Variants in RPA2 observed in about 807,000 individuals in gnomAD.
RPA2 encodes replication protein A2, also known as replication protein A 32 kDa subunit.
In RPA2, 22 loss-of-function variants were observed where a neutral mutation model predicts 33.4. The observed-to-expected ratio is 0.66, with a 90% CI of 0.47 to 0.94. The LOEUF (loss-of-function observed/expected upper bound fraction) is 0.94. RPA2 is among the 40% of genes least tolerant of loss of function. The pLI is 0.00. For synonymous variants in RPA2, 109 were observed against 114.9 expected, an observed-to-expected ratio of 0.95 and a Z score of 0.33; for missense variants, 279 against 329.9, an observed-to-expected ratio of 0.85 and a Z score of 1.19.
At chr1:27,895,317 G>A (rs546550175) in intron 6 of RPA2, among the ~76,000 whole-genome samples, 5 of 152,240 alleles carry the variant, frequency 3.3e-5, no homozygotes, top group South Asian at 2.1e-4. Flanking sequence ...AGATACTGGC[G>A]AGGCTGAGGC....
intron 4 of RPA2, among the ~76,000 whole-genome samples, chr1:27,903,799 C>T (rs1480327474): frequency 1.4e-5 from 2 of 146,574 alleles, no homozygotes; most frequent in Non-Finnish European, 3.0e-5. Flanking sequence ...AGGTTAAGGC[C>T]AAAGGATCAC....
In RPA2 at chr1:27,900,002, T is replaced by C. The variant is rs1366990343; in HGVS notation, c.334-2295A>G. On this transcript the variant is annotated intron_variant, in intron 4 of 8. Transcript: ENST00000373912. Reference sequence around the variant, plus strand: ...GCTTTTGTATTTTTAATAGACAGGGTTTTGCCACATTGACCAGGCTAGTCT... The same window carrying C: ...GCTTTTGTATTTTTAATAGACAGGGCTTTGCCACATTGACCAGGCTAGTCT... 2.0e-5 allele frequency among the ~76,000 whole-genome samples: 3 copies of C among 151,492 alleles called. No individual in the cohort carries two copies. The East Asian group carries it at 5.9e-4, about 30-fold the overall frequency.
intron 4 of RPA2, among the ~76,000 whole-genome samples, chr1:27,902,234 G>A (rs1051253933): frequency 1.3e-5 from 2 of 151,198 alleles, no homozygotes; most frequent in East Asian, 3.9e-4. Flanking sequence ...CTACAGGCAC[G>A]TGCTACCATG....
chr1:27,912,100 AAAAAG>A (rs2090104121), intron 2 of RPA2, among the ~76,000 whole-genome samples: 1 of 152,178 alleles, frequency 6.6e-6, no homozygotes, highest in Admixed American at 6.5e-5. Flanking sequence ...TCTCAAAAAA[AAAAAG>A]AAAGAAAGTT....
intron 2 of RPA2, 105 bp downstream of exon 2, chr1:27,913,958 T>C: frequency 9.8e-7 from 1 of 1,023,678 alleles, no homozygotes; most frequent in Non-Finnish European, 1.4e-6. Context: ...CATTATCGCA[T>C]CAGTTCACGT....
rs573905889 is a variant in RPA2, at chr1:27,898,268, T to C, written c.334-561A>G. ...ATTAAGATTTAGATTTATCATAGTA[T>C]AGAATATTAAAAATTTTAAAACAAC... On this transcript the variant is annotated intron_variant, in intron 4 of 8. Transcript: ENST00000373912. 2.6e-5 allele frequency among the ~76,000 whole-genome samples: 4 copies of C among 152,322 alleles called. No homozygotes were observed. The South Asian group carries it at 8.3e-4, about 32-fold the overall frequency.
intron 4 of RPA2, among the ~76,000 whole-genome samples, chr1:27,903,998 C>G (rs139983710): frequency 6.6e-6 from 1 of 151,392 alleles, no homozygotes; most frequent in South Asian, 2.1e-4. Flanking sequence ...AACCCTGTCT[C>G]TAATAAAAAT....
chr1:27,904,056 C>A (rs541803201), intron 4 of RPA2, among the ~76,000 whole-genome samples: 158 of 151,452 alleles, frequency 1.0e-3, no homozygotes, highest in Non-Finnish European at 1.7e-3. Context: ...CCCAGCTACT[C>A]TGGAGGCTGA....
intron 4 of RPA2, among the ~76,000 whole-genome samples, chr1:27,900,644 G>A (rs997273199): frequency 6.6e-6 from 1 of 151,900 alleles, no homozygotes; most frequent in African/African-American, 2.4e-5. Flanking sequence ...TAACTTTATG[G>A]TAAAACTTGA....
Position 27,893,980 on chromosome 1 carries a change from A to C in RPA2, c.728+32T>G, listed in dbSNP as rs75048966. The C allele has an allele frequency of 2.8e-3, 4,411 of 1,565,348 alleles. 111 individuals carry two copies. In the African/African-American group the frequency reaches 0.049, roughly 18 times the overall value. ...TGTGAGGTGAAATAGGTACAATGCCAGAGCCTGAGCTCATGAAAATCAAAT... is the reference window on the plus strand; with the variant it reads ...TGTGAGGTGAAATAGGTACAATGCCCGAGCCTGAGCTCATGAAAATCAAAT... On this transcript the variant is annotated intron_variant, in intron 8 of 8. Coordinates refer to ENST00000373912, the MANE Select transcript of RPA2 (RefSeq NM_002946.5).
chr1:27,914,550 G>A lies in RPA2; in HGVS notation c.-107C>T. On this transcript the variant is annotated 5_prime_UTR_variant, in exon 1 of 9. Transcript: ENST00000373912. ...TGCGCCGCTCTGGCTACTTTTCTCT[G>A]GCACCACAAACGCCTTCCCGCGAAT... The A allele has an allele frequency of 1.2e-6, 2 of 1,610,600 alleles. No individual in the cohort carries two copies. The highest frequency in any genetic ancestry group is 2.2e-5 in the East Asian group (1 of 44,878).
chr1:27,899,349 G>A (rs2089934616), intron 4 of RPA2, among the ~76,000 whole-genome samples: 1 of 151,668 alleles, frequency 6.6e-6, no homozygotes, highest in Admixed American at 6.6e-5. Context: ...TACTAAAAAT[G>A]CAAAGATTAG....
chr1:27,914,296 C>A (rs1557477873), intron 1 of RPA2, 127 bp from the exon 2 acceptor site: 3 of 1,605,666 alleles, frequency 1.9e-6, no homozygotes, highest in East Asian at 4.5e-5. Flanking sequence ...CGCCTTCCTG[C>A]GGGTGACCCC....
intron 4 of RPA2, among the ~76,000 whole-genome samples, chr1:27,901,651 G>A (rs985884441): frequency 3.3e-5 from 5 of 152,004 alleles, no homozygotes; most frequent in African/African-American, 4.8e-5. Flanking sequence ...GTGAGCCACC[G>A]CGCCCAGCCA....
chr1:27,912,819 A>G (rs139775840), intron 2 of RPA2, among the ~76,000 whole-genome samples: 92 of 152,280 alleles, frequency 6.0e-4, no homozygotes, highest in African/African-American at 2.1e-3. Context: ...TCTCACAATG[A>G]CATTTTAAGG....
rs1260226212 is a variant in RPA2, at chr1:27,902,378, G to A, written c.333+4550C>T. Reference sequence around the variant, plus strand: ...CGCTTACTGTAACCTCTGCCTCCTGGGTTCAAGCGAGTCTTGTGCCTCAGC... The same window carrying A: ...CGCTTACTGTAACCTCTGCCTCCTGAGTTCAAGCGAGTCTTGTGCCTCAGC... On this transcript the variant is annotated intron_variant, in intron 4 of 8. Coordinates refer to ENST00000373912, the MANE Select transcript of RPA2 (RefSeq NM_002946.5). 3.3e-5 allele frequency among the ~76,000 whole-genome samples: 5 copies of A among 151,574 alleles called. No homozygotes were observed. The East Asian group carries it at 9.7e-4, about 29-fold the overall frequency.
At chr1:27,903,521 C>T (rs569581229) in intron 4 of RPA2, among the ~76,000 whole-genome samples, 4 of 151,300 alleles carry the variant, frequency 2.6e-5, no homozygotes, top group Admixed American at 6.6e-5. Flanking sequence ...AAGTTCGAGA[C>T]CAGCCTGGCC....
At chr1:27,909,220 TAG>T (rs2090068184) in intron 2 of RPA2, among the ~76,000 whole-genome samples, 1 of 152,176 alleles carries the variant, frequency 6.6e-6, no homozygotes, top group African/African-American at 2.4e-5. Flanking sequence ...TAGAACACAG[TAG>T]ACTCTTGGCC....
chr1:27,900,916 G>A (rs941975769), intron 4 of RPA2, among the ~76,000 whole-genome samples: 22 of 152,088 alleles, frequency 1.4e-4, no homozygotes, highest in Admixed American at 1.1e-3. Context: ...CTATCTGGCC[G>A]CCTGGGCCTC....
Sources: gnomAD v4.1 joint callset for allele counts (sites outside exome capture counted in the v4.1 genomes callset) on GRCh38, gnomAD v4.1.1 for gene constraint, MANE v1.5 for transcripts, NCBI Gene and HGNC (gene_info 2026-07-23, HGNC 2026-07-21) for gene names.